Variants in DMXL2 observed in about 807,000 individuals in gnomAD.
The protein encoded by DMXL2 is Dmx like 2.
Under a neutral mutation model 331.1 loss-of-function variants are expected in DMXL2, and 103 were observed. The ratio of observed to expected loss-of-function variants is 0.31; its 90% CI spans 0.27 to 0.37. The LOEUF (loss-of-function observed/expected upper bound fraction) is 0.37. DMXL2 is among the 10% of genes least tolerant of loss of function. The pLI, the probability that DMXL2 is intolerant of heterozygous loss-of-function variation, is 1.00. For missense variants in DMXL2, 3,171 were observed against 3,642.9 expected (o/e 0.87, Z 3.33); for synonymous variants, 1,281 against 1,252.1 (o/e 1.02, Z -0.49).
At chr15:51,553,839 G>A (rs183116486) in intron 6 of DMXL2, among the ~76,000 whole-genome samples, 145 of 151,336 alleles carry the variant, frequency 9.6e-4, no homozygotes, top group African/African-American at 3.3e-3. Context: ...TACAAAATGT[G>A]TTAATTTATT....
At chr15:51,476,838 CT>C (rs1384831700) in intron 26 of DMXL2, 119 bp from the exon 27 acceptor site, 3 of 688,962 alleles carry the variant, frequency 4.4e-6, no homozygotes, top group Non-Finnish European at 6.6e-6. Context: ...AATGCATTCA[CT>C]GTTCTAATAA....
chr15:51,592,986 C>A (rs1328055986), intron 1 of DMXL2, among the ~76,000 whole-genome samples: 1 of 152,154 alleles, frequency 6.6e-6, no homozygotes, highest in Non-Finnish European at 1.5e-5. Flanking sequence ...ACCATCGAGG[C>A]TAAGAAGACA....
chr15:51,464,806 T>C lies in DMXL2; in HGVS notation c.7677A>G (p.Gln2559=). 6.2e-7 allele frequency: 1 copy of C among 1,614,178 alleles called. No individual in the cohort carries two copies. Among genetic ancestry groups the C allele is most frequent in the East Asian group, 2.2e-5 (1 of 44,868 alleles). ...KNLENWEQIL[Q]EKMDQFEGPP... The stretch of plus-strand genomic sequence containing the variant: ...GACCTTCAAACTGATCCATTTTCTC[T>C]TGCAAGATCTGTTCCCAGTTCTCCA... Residue 2559 remains glutamine (Q), a synonymous_variant, in exon 32 of 44, where the codon CAA becomes CAG. Coordinates refer to ENST00000560891, the MANE Select transcript of DMXL2 (RefSeq NM_001378457.1).
Position 51,527,095 on chromosome 15 carries a change from A to C in DMXL2, c.2436+8568T>G, listed in dbSNP as rs2047717215. Reference sequence around the variant, plus strand: ...AGAAGACTACCTCGAGGCATTTAATAATCAAACTCCCAAAAGTCAAGGATA... The same window carrying C: ...AGAAGACTACCTCGAGGCATTTAATCATCAAACTCCCAAAAGTCAAGGATA... On this transcript the variant is annotated intron_variant, in intron 13 of 43. Coordinates refer to ENST00000560891, the MANE Select transcript of DMXL2 (RefSeq NM_001378457.1). Among the ~76,000 whole-genome samples, 3 of 152,166 alleles carry C rather than the reference A, an allele frequency of 2.0e-5. No individual in the cohort carries two copies. The South Asian group carries it at 6.2e-4, about 32-fold the overall frequency.
At chr15:51,577,601 G>C (rs530172122) in intron 1 of DMXL2, among the ~76,000 whole-genome samples, 1 of 152,288 alleles carries the variant, frequency 6.6e-6, no homozygotes, top group African/African-American at 2.4e-5. Context: ...GGGGAATATT[G>C]AGTATATGCA....
chr15:51,592,439 C>G (rs148791881), intron 1 of DMXL2, among the ~76,000 whole-genome samples: 40 of 152,004 alleles, frequency 2.6e-4, no homozygotes, highest in Non-Finnish European at 4.7e-4. Flanking sequence ...ATCTACGTCT[C>G]ATTGGTGTAC....
At chr15:51,522,941 T>G (rs1360452596) in intron 13 of DMXL2, among the ~76,000 whole-genome samples, 1 of 152,250 alleles carries the variant, frequency 6.6e-6, no homozygotes, top group African/African-American at 2.4e-5. Context: ...GCTATCTCCA[T>G]GCTTCCAGTA....
At chr15:51,502,205 C>G (rs963059422) in intron 17 of DMXL2, among the ~76,000 whole-genome samples, 3 of 149,658 alleles carry the variant, frequency 2.0e-5, no homozygotes, top group African/African-American at 4.9e-5. Context: ...TGCATTCCAG[C>G]CTGGGCGACA....
At chr15:51,462,269 C>A (rs1400268923) in intron 33 of DMXL2, among the ~76,000 whole-genome samples, 1 of 151,854 alleles carries the variant, frequency 6.6e-6, no homozygotes, top group Non-Finnish European at 1.5e-5. Context: ...CGTATGGACT[C>A]TCTCTGTTTT....
intron 15 of DMXL2, among the ~76,000 whole-genome samples, chr15:51,509,724 G>A (rs895129038): frequency 2.6e-5 from 4 of 152,172 alleles, no homozygotes; most frequent in African/African-American, 9.7e-5. Flanking sequence ...GCATCATCCT[G>A]ATACCAAAAC....
intron 6 of DMXL2, among the ~76,000 whole-genome samples, chr15:51,560,045 G>A (rs903611004): frequency 1.3e-5 from 2 of 151,938 alleles, no homozygotes; most frequent in Non-Finnish European, 2.9e-5. Flanking sequence ...GCAGATCAAT[G>A]GAAAAAGAAT....
chr15:51,594,122 C>T (rs1327221317), intron 1 of DMXL2, among the ~76,000 whole-genome samples: 3 of 152,122 alleles, frequency 2.0e-5, no homozygotes, highest in East Asian at 1.9e-4. Flanking sequence ...ATCAATGAAT[C>T]CAGAAGCTGG....
At chr15:51,612,850 C>T (rs902413156) in intron 1 of DMXL2, among the ~76,000 whole-genome samples, 1 of 152,188 alleles carries the variant, frequency 6.6e-6, no homozygotes, top group East Asian at 1.9e-4. Context: ...GAGACCAGGG[C>T]TTATTTCATC....
chr15:51,547,142 C>T (rs903030373), intron 7 of DMXL2, 88 bp downstream of exon 7: 60 of 1,204,116 alleles, frequency 5.0e-5, no homozygotes, highest in Non-Finnish European at 6.0e-5. Context: ...CTATTAATTG[C>T]CACCATGTAA....
chr15:51,612,768 GCAGA>G (rs1262787546), intron 1 of DMXL2, among the ~76,000 whole-genome samples: 2 of 152,198 alleles, frequency 1.3e-5, no homozygotes, highest in African/African-American at 4.8e-5. Context: ...GGGTTTGAGA[GCAGA>G]CAACCAGTCT....
intron 1 of DMXL2, among the ~76,000 whole-genome samples, chr15:51,592,096 C>T (rs2052399274): frequency 1.3e-5 from 2 of 151,962 alleles, no homozygotes; most frequent in African/African-American, 4.8e-5. Flanking sequence ...GAGAAGAAGG[C>T]TTCAGACGAT....
At chr15:51,459,503 T>C (rs1003337720) in intron 34 of DMXL2, 95 bp downstream of exon 34, 2 of 1,033,852 alleles carry the variant, frequency 1.9e-6, no homozygotes, top group African/African-American at 3.3e-5. Flanking sequence ...TCTGAGTAGT[T>C]AGCCAGTTGG....
Position 51,474,399 on chromosome 15 carries a change from A to C in DMXL2, c.7158T>G (p.Phe2386Leu). ...TCACAACAAGTTTTACACCGCCTCC[A>C]AAAACAGCAGCCCACATTCGATTAT... ...PLNNRMWAAVFGGGVKLVVKP... is the reference protein window; with the variant it reads ...PLNNRMWAAVLGGGVKLVVKP... Residue 2386 changes from phenylalanine to leucine, a missense_variant, in exon 28 of 44, where the codon TTT (phenylalanine) becomes TTG (leucine). By Grantham distance (22) the Phe-to-Leu change is conservative (BLOSUM62 0). Coordinates refer to ENST00000560891, the MANE Select transcript of DMXL2 (RefSeq NM_001378457.1). 1 of 1,613,526 alleles carries C rather than the reference A, an allele frequency of 6.2e-7. No homozygotes were observed. Among genetic ancestry groups the C allele is most frequent in the Non-Finnish European group, 8.5e-7 (1 of 1,179,534 alleles).
chr15:51,475,657 TG>T (rs1265503983), intron 27 of DMXL2, among the ~76,000 whole-genome samples: 1 of 152,112 alleles, frequency 6.6e-6, no homozygotes, highest in African/African-American at 2.4e-5. Context: ...AGGAGACTAA[TG>T]AGACATGACA....
Sources: allele counts gnomAD v4.1 joint callset (sites outside exome capture counted in the v4.1 genomes callset), GRCh38; gene constraint gnomAD v4.1.1; transcripts MANE v1.5; gene names NCBI Gene and HGNC (gene_info 2026-07-23, HGNC 2026-07-21).